ESCO1: variants seen among roughly 807,000 people sequenced by gnomAD.
The protein encoded by ESCO1 is establishment of sister chromatid cohesion N-acetyltransferase 1.
Under a neutral mutation model 83.5 loss-of-function variants are expected in ESCO1, and 33 were observed. The ratio of observed to expected loss-of-function variants is 0.40; its 90% CI spans 0.30 to 0.53. The LOEUF (loss-of-function observed/expected upper bound fraction) is 0.53, where lower values mean the gene tolerates loss of function less well. Ranked by LOEUF, ESCO1 falls within the 20% of genes least tolerant of loss-of-function variation. ESCO1 has a pLI of 0.63. For synonymous variants in ESCO1, 332 were observed against 324.3 expected, an observed-to-expected ratio of 1.02 and a Z score of -0.25; for missense variants, 855 against 968.0, an observed-to-expected ratio of 0.88 and a Z score of 1.55.
intron 2 of ESCO1, among the ~76,000 whole-genome samples, chr18:21,583,981 T>A (rs1432477204): frequency 6.6e-6 from 1 of 152,180 alleles, no homozygotes; most frequent in African/African-American, 2.4e-5. Context: ...GTAGCATGTC[T>A]CCCTTTGTGT....
chr18:21,564,877 C>T (rs932062833), intron 6 of ESCO1, among the ~76,000 whole-genome samples: 5 of 151,270 alleles, frequency 3.3e-5, no homozygotes, highest in South Asian at 2.1e-4. Context: ...CTGGGCAACA[C>T]GGTGAAACCC....
intron 8 of ESCO1, among the ~76,000 whole-genome samples, chr18:21,543,759 A>C (rs2037936201): frequency 6.6e-6 from 1 of 152,226 alleles, no homozygotes; most frequent in Non-Finnish European, 1.5e-5. Context: ...AAATATTACA[A>C]GGGAAAAAAA....
chr18:21,532,957 TTGCCATCA>T (rs1359237589), intron 10 of ESCO1, among the ~76,000 whole-genome samples: 1 of 152,164 alleles, frequency 6.6e-6, no homozygotes, highest in Non-Finnish European at 1.5e-5. Flanking sequence ...GCAAAGTACC[TTGCCATCA>T]TGAGGAGCCC....
chr18:21,578,873 TCCC>T (rs1336833712), intron 2 of ESCO1, among the ~76,000 whole-genome samples: 1 of 151,666 alleles, frequency 6.6e-6, no homozygotes, highest in Non-Finnish European at 1.5e-5. Context: ...ATTTTTTTCT[TCCC>T]CCAAGATGTA....
chr18:21,580,816 C>T (rs945659416), intron 2 of ESCO1, among the ~76,000 whole-genome samples: 1 of 151,944 alleles, frequency 6.6e-6, no homozygotes. Context: ...AAGGAGGAAC[C>T]CCCGTCTCTA....
At chr18:21,572,137 G>T (rs965210131) in intron 4 of ESCO1, among the ~76,000 whole-genome samples, 2 of 152,182 alleles carry the variant, frequency 1.3e-5, no homozygotes, top group Non-Finnish European at 2.9e-5. Flanking sequence ...TTCAGAGTAT[G>T]TTGTTTTAGA....
At chr18:21,543,311 C>G (rs544347400) in intron 8 of ESCO1, among the ~76,000 whole-genome samples, 1 of 152,140 alleles carries the variant, frequency 6.6e-6, no homozygotes, top group Admixed American at 6.6e-5. Context: ...TGTGCCACCA[C>G]GCCGAGCTGA....
chr18:21,557,625 C>G (rs1200178102), intron 8 of ESCO1, among the ~76,000 whole-genome samples: 1 of 152,200 alleles, frequency 6.6e-6, no homozygotes, highest in Non-Finnish European at 1.5e-5. Flanking sequence ...ACACAACATT[C>G]ACTCAGATGT....
At chr18:21,576,503 A>C (rs564470866) in intron 2 of ESCO1, among the ~76,000 whole-genome samples, 1 of 152,294 alleles carries the variant, frequency 6.6e-6, no homozygotes, top group Non-Finnish European at 1.5e-5. Flanking sequence ...ACCCATATCT[A>C]AAAATAAGTA....
chr18:21,590,090 G>A (rs1334292352), intron 1 of ESCO1, among the ~76,000 whole-genome samples: 2 of 152,096 alleles, frequency 1.3e-5, no homozygotes, highest in African/African-American at 2.4e-5. Flanking sequence ...GCCTCCCAAA[G>A]TGCTGGGATT....
At chr18:21,535,515 TG>T (rs1024372839) in intron 10 of ESCO1, among the ~76,000 whole-genome samples, 2 of 152,092 alleles carry the variant, frequency 1.3e-5, no homozygotes, top group African/African-American at 4.8e-5. Context: ...CCCCAATAGC[TG>T]GGACTACAGG....
intron 9 of ESCO1, among the ~76,000 whole-genome samples, chr18:21,537,871 G>A (rs965437807): frequency 1.3e-5 from 2 of 151,880 alleles, no homozygotes; most frequent in African/African-American, 2.4e-5. Flanking sequence ...GTTGACCCTC[G>A]AACAACAAAA....
intron 8 of ESCO1, among the ~76,000 whole-genome samples, chr18:21,558,802 T>C (rs2038146273): frequency 6.6e-6 from 1 of 151,946 alleles, no homozygotes; most frequent in Admixed American, 6.6e-5. Context: ...TAGTCTTAAG[T>C]AGAACAAAAC....
rs1449031471 is a variant in ESCO1, at chr18:21,529,820, A to C, written c.*523T>G. The C allele has an allele frequency of 1.3e-5, 2 of 152,516 alleles. No homozygotes were observed. The highest frequency in any genetic ancestry group is 4.8e-5 in the African/African-American group (2 of 41,468). 9.4% of individuals were successfully genotyped at this position (152,516 alleles called of 1,614,324 possible). Reference sequence around the variant, plus strand: ...TTTTCTATAGGGGTTTCTTCAAAGTATAGTTCAGGCCTTTTAAAAATTAGC... The same window carrying C: ...TTTTCTATAGGGGTTTCTTCAAAGTCTAGTTCAGGCCTTTTAAAAATTAGC... On this transcript the variant is annotated 3_prime_UTR_variant, in exon 12 of 12. Coordinates refer to ENST00000269214, the MANE Select transcript of ESCO1 (RefSeq NM_052911.3).
intron 2 of ESCO1, among the ~76,000 whole-genome samples, chr18:21,576,824 G>A (rs1013899575): frequency 6.6e-6 from 1 of 151,892 alleles, no homozygotes; most frequent in Admixed American, 6.6e-5. Flanking sequence ...CACGAAGTCA[G>A]GAGTTCAAGA....
intron 8 of ESCO1, among the ~76,000 whole-genome samples, chr18:21,547,896 G>A (rs1375464000): frequency 6.6e-6 from 1 of 151,774 alleles, no homozygotes; most frequent in Non-Finnish European, 1.5e-5. Flanking sequence ...GAGGTCAGGA[G>A]ATCGAGACCA....
chr18:21,560,292 TA>T, intron 8 of ESCO1, among the ~76,000 whole-genome samples: 1 of 151,000 alleles, frequency 6.6e-6, no homozygotes, highest in South Asian at 2.1e-4. Flanking sequence ...TTAAAAAATA[TA>T]TTTTGTACTA....
chr18:21,572,746 C>A (rs1436539721), intron 4 of ESCO1, among the ~76,000 whole-genome samples: 3 of 152,076 alleles, frequency 2.0e-5, no homozygotes, highest in Non-Finnish European at 4.4e-5. Flanking sequence ...GGATGGATTA[C>A]CTGAGGTCGG....
At chr18:21,562,783 T>C (rs16943278) in intron 7 of ESCO1, among the ~76,000 whole-genome samples, 3,501 of 152,278 alleles carry the variant, frequency 0.023, 147 homozygotes, top group Admixed American at 0.11. Context: ...CCAATTTATC[T>C]TCCTGTAATT....
Sources: allele counts gnomAD v4.1 joint callset (sites outside exome capture counted in the v4.1 genomes callset), GRCh38; gene constraint gnomAD v4.1.1; transcripts MANE v1.5; gene names NCBI Gene and HGNC (gene_info 2026-07-23, HGNC 2026-07-21).